The following ARHGAP15 variants were observed in gnomAD, a reference collection of about 807,000 sequenced individuals.
The protein encoded by ARHGAP15 is rho GTPase-activating protein 15.
Under a neutral mutation model 63.7 loss-of-function variants are expected in ARHGAP15, and 51 were observed. That is an observed-to-expected ratio of 0.80 (90% confidence interval 0.64 to 1.01). The LOEUF is 1.01. Among genes scored for constraint, ARHGAP15 ranks in the 50% least tolerant of loss-of-function variants. The pLI is 0.00. For missense variants in ARHGAP15, 560 were observed against 564.6 expected (o/e 0.99, Z 0.08); for synonymous variants, 191 against 193.8 (o/e 0.99, Z 0.12).
intron 6 of ARHGAP15, among the ~76,000 whole-genome samples, chr2:143,347,630 A>G (rs1461327904): frequency 1.3e-5 from 2 of 152,132 alleles, no homozygotes; most frequent in Non-Finnish European, 2.9e-5. Flanking sequence ...AGTATTATTT[A>G]TATAGAACAT....
At chr2:143,654,771 G>A (rs191780994) in intron 12 of ARHGAP15, among the ~76,000 whole-genome samples, 16 of 152,130 alleles carry the variant, frequency 1.1e-4, no homozygotes, top group Admixed American at 8.5e-4. Context: ...TGTATATTGT[G>A]ATATTATCCA....
intron 1 of ARHGAP15, among the ~76,000 whole-genome samples, chr2:143,147,306 C>T (rs1415074295): frequency 1.3e-5 from 2 of 151,996 alleles, no homozygotes; most frequent in Non-Finnish European, 2.9e-5. Context: ...GACATTTCAT[C>T]ATCAATGCCC....
In ARHGAP15 at chr2:143,588,675, C is replaced by T. The variant is rs140959970; in HGVS notation, c.1003+32190C>T. ...AAGAACGTGATCTCATTCCTTTTTG[C>T]GGCTGCATAGTATCCCATGGAAATT... On this transcript the variant is annotated intron_variant, in intron 11 of 13. Coordinates refer to ENST00000295095, the MANE Select transcript of ARHGAP15 (RefSeq NM_018460.4). Among the ~76,000 whole-genome samples, 254 of 152,232 alleles carry T rather than the reference C, an allele frequency of 1.7e-3. 1 individual carries two copies. The highest frequency in any genetic ancestry group is 5.3e-3 in the African/African-American group (222 of 41,534).
chr2:143,406,163 T>G (rs147446748), intron 6 of ARHGAP15, among the ~76,000 whole-genome samples: 1 of 152,056 alleles, frequency 6.6e-6, no homozygotes, highest in Admixed American at 6.6e-5. Context: ...TGGATGTACC[T>G]CAGTTAATAA....
intron 5 of ARHGAP15, among the ~76,000 whole-genome samples, chr2:143,242,439 A>G (rs1284627371): frequency 1.3e-5 from 2 of 152,250 alleles, no homozygotes; most frequent in African/African-American, 2.4e-5. Flanking sequence ...ATGTAAGACT[A>G]TATCAGTTGA....
chr2:143,459,796 G>A (rs547847893), intron 8 of ARHGAP15, among the ~76,000 whole-genome samples: 1 of 152,200 alleles, frequency 6.6e-6, no homozygotes, highest in Admixed American at 6.5e-5. Flanking sequence ...AAAAATCATG[G>A]TGTATCCCTA....
At chr2:143,296,187 G>A (rs1682626966) in intron 6 of ARHGAP15, among the ~76,000 whole-genome samples, 1 of 151,980 alleles carries the variant, frequency 6.6e-6, no homozygotes. Flanking sequence ...TGAATTCTCT[G>A]AGGAGCCACC....
At chr2:143,512,894 C>G (rs1195208009) in intron 9 of ARHGAP15, among the ~76,000 whole-genome samples, 2 of 152,206 alleles carry the variant, frequency 1.3e-5, no homozygotes, top group African/African-American at 2.4e-5. Context: ...TGTCCCAGCC[C>G]CCAGGGTTTA....
chr2:143,569,652 CTCAGTGGAATG>C (rs1346086184), intron 11 of ARHGAP15, among the ~76,000 whole-genome samples: 1 of 152,192 alleles, frequency 6.6e-6, no homozygotes. Flanking sequence ...TTATTCTAAG[CTCAGTGGAATG>C]TCAGTGGGGT....
intron 9 of ARHGAP15, among the ~76,000 whole-genome samples, chr2:143,488,658 C>T (rs183385914): frequency 7.9e-5 from 12 of 152,270 alleles, no homozygotes; most frequent in African/African-American, 2.9e-4. Context: ...AAAGCAGATC[C>T]TAATTTCAGC....
intron 1 of ARHGAP15, among the ~76,000 whole-genome samples, chr2:143,145,859 TGTG>T (rs1689564953): frequency 6.6e-6 from 1 of 150,734 alleles, no homozygotes; most frequent in Non-Finnish European, 1.5e-5. Context: ...TGTGTGTGTG[TGTG>T]TGTGTGTGTG....
chr2:143,509,824 C>A (rs1220814865), intron 9 of ARHGAP15, among the ~76,000 whole-genome samples: 1 of 151,888 alleles, frequency 6.6e-6, no homozygotes, highest in East Asian at 1.9e-4. Flanking sequence ...AGCTCGAGAC[C>A]ATCCTGGCCA....
intron 2 of ARHGAP15, among the ~76,000 whole-genome samples, chr2:143,199,308 T>G (rs1489989442): frequency 2.6e-5 from 4 of 152,106 alleles, no homozygotes; most frequent in African/African-American, 9.7e-5. Flanking sequence ...AGCTGTAAAA[T>G]CCTCTAAAAT....
chr2:143,630,435 T>C (rs556573234), intron 12 of ARHGAP15, among the ~76,000 whole-genome samples: 1 of 152,194 alleles, frequency 6.6e-6, no homozygotes, highest in East Asian at 1.9e-4. Context: ...ACAGAAGAAG[T>C]TAGGATGAAA....
chr2:143,608,022 TTC>T (rs1460953317), intron 11 of ARHGAP15: 1 of 152,116 alleles, frequency 6.6e-6, no homozygotes, highest in Non-Finnish European at 1.5e-5. Context: ...AAGGATTGTG[TTC>T]TGTCTCTTGT....
chr2:143,692,654 T>C (rs1488817445), intron 12 of ARHGAP15, among the ~76,000 whole-genome samples: 1 of 152,196 alleles, frequency 6.6e-6, no homozygotes, highest in African/African-American at 2.4e-5. Context: ...GTTGGAATAT[T>C]AGGCCACCAT....
At chr2:143,721,993 C>T (rs1685081654) in intron 13 of ARHGAP15, among the ~76,000 whole-genome samples, 1 of 151,626 alleles carries the variant, frequency 6.6e-6, no homozygotes. Context: ...GTTATGCAAA[C>T]ATGGTTTACT....
intron 6 of ARHGAP15, among the ~76,000 whole-genome samples, chr2:143,398,692 A>G (rs1012406823): frequency 5.9e-5 from 9 of 152,048 alleles, no homozygotes; most frequent in Admixed American, 1.3e-4. Flanking sequence ...AATGAGAAGC[A>G]TCCCTCTCAT....
At chr2:143,390,787 T>C (rs1275989711) in intron 6 of ARHGAP15, among the ~76,000 whole-genome samples, 1 of 151,406 alleles carries the variant, frequency 6.6e-6, no homozygotes, top group Non-Finnish European at 1.5e-5. Flanking sequence ...AGAAATACAC[T>C]TGCTAAGGTA....
Sources: gnomAD v4.1 joint callset for allele counts (sites outside exome capture counted in the v4.1 genomes callset) on GRCh38, gnomAD v4.1.1 for gene constraint, MANE v1.5 for transcripts, NCBI Gene and HGNC (gene_info 2026-07-23, HGNC 2026-07-21) for gene names.